Variants in CPPED1 observed in about 807,000 individuals in gnomAD.
The protein encoded by CPPED1 is calcineurin like phosphoesterase domain containing 1, also known as serine/threonine-protein phosphatase CPPED1.
CPPED1 carries 28 observed loss-of-function variants against 28.0 expected under a neutral mutation model. The ratio of observed to expected loss-of-function variants is 1.00; its 90% CI spans 0.74 to 1.37. The LOEUF is 1.37. CPPED1 is among the 40% of genes most tolerant of loss of function. CPPED1 has a pLI of 0.00. For synonymous variants in CPPED1, 198 were observed against 180.2 expected (o/e 1.10, Z -0.79); for missense variants, 504 against 416.5 (o/e 1.21, Z -1.83).
intron 2 of CPPED1, among the ~76,000 whole-genome samples, chr16:12,758,814 T>C (rs9927063): frequency 0.017 from 2,625 of 152,068 alleles, 86 homozygotes; most frequent in African/African-American, 0.06. Context: ...TGCAGCTGAA[T>C]CTAGTAATAA....
rs895934162 is a variant in CPPED1, at chr16:12,725,549, G to C, written c.290-20500C>G. On this transcript the variant is annotated intron_variant, in intron 2 of 3. Coordinates refer to ENST00000381774, the MANE Select transcript of CPPED1 (RefSeq NM_018340.3). ...TTACGGATGAGAAAACTGAGGCTTA[G>C]TGCAGTCATATGGGGAGAGGGGAGG... Among the ~76,000 whole-genome samples the C allele has an allele frequency of 8.5e-5, 13 of 152,108 alleles. No homozygotes were observed. In the East Asian group the frequency reaches 1.9e-3, roughly 23 times the overall value.
intron 1 of CPPED1, among the ~76,000 whole-genome samples, chr16:12,800,189 G>C (rs770653740): frequency 8.5e-5 from 13 of 152,174 alleles, no homozygotes; most frequent in Admixed American, 5.9e-4. Context: ...GCTCATGCCT[G>C]TAAATCCCAG....
At chr16:12,748,728 A>T (rs1033276951) in intron 2 of CPPED1, among the ~76,000 whole-genome samples, 3 of 151,950 alleles carry the variant, frequency 2.0e-5, no homozygotes, top group African/African-American at 7.3e-5. Context: ...TATTAAAAAT[A>T]AAAAATTAGC....
intron 2 of CPPED1, among the ~76,000 whole-genome samples, chr16:12,750,455 G>C (rs1004460552): frequency 6.6e-6 from 1 of 152,180 alleles, no homozygotes; most frequent in Non-Finnish European, 1.5e-5. Context: ...GGCCCCAAAA[G>C]AGGGAGAGAG....
At chr16:12,672,363 T>C (rs904911461) in intron 3 of CPPED1, among the ~76,000 whole-genome samples, 1 of 152,176 alleles carries the variant, frequency 6.6e-6, no homozygotes, top group Non-Finnish European at 1.5e-5. Context: ...TAATATATGG[T>C]TCAATGTGCA....
chr16:12,714,097 G>C (rs1004670259), intron 2 of CPPED1, among the ~76,000 whole-genome samples: 1 of 152,076 alleles, frequency 6.6e-6, no homozygotes, highest in African/African-American at 2.4e-5. Flanking sequence ...CTATTTTGTA[G>C]CCTATGTTAG....
intron 3 of CPPED1, among the ~76,000 whole-genome samples, chr16:12,687,454 C>T (rs1388893804): frequency 6.6e-6 from 1 of 152,094 alleles, no homozygotes; most frequent in African/African-American, 2.4e-5. Flanking sequence ...AGGGATTTGG[C>T]CATAGTGTCA....
intron 3 of CPPED1, among the ~76,000 whole-genome samples, chr16:12,683,928 C>A (rs894589718): frequency 2.0e-5 from 3 of 152,170 alleles, no homozygotes; most frequent in East Asian, 1.9e-4. Context: ...TTCTGTTTTG[C>A]CTTCCTCAGT....
intron 2 of CPPED1, among the ~76,000 whole-genome samples, chr16:12,743,507 C>G (rs1375614001): frequency 1.3e-5 from 2 of 152,124 alleles, no homozygotes; most frequent in African/African-American, 4.8e-5. Context: ...AAATTCTGTT[C>G]ATTGAAACAA....
chr16:12,694,074 C>T (rs1037986639), intron 3 of CPPED1, among the ~76,000 whole-genome samples: 1 of 151,960 alleles, frequency 6.6e-6, no homozygotes, highest in Non-Finnish European at 1.5e-5. Flanking sequence ...AGTGTGGTGG[C>T]GGGTACCTGT....
chr16:12,797,593 C>T (rs1459209871), intron 1 of CPPED1, among the ~76,000 whole-genome samples: 4 of 152,066 alleles, frequency 2.6e-5, no homozygotes, highest in Non-Finnish European at 5.9e-5. Flanking sequence ...CAGTGGCTCA[C>T]ACCTGTAATC....
upstream of CPPED1, chr16:12,803,887 C>CGGGGGGGGACT: frequency 1.2e-6 from 1 of 807,586 alleles, no homozygotes; most frequent in Non-Finnish European, 1.8e-6. Context: ...CCTTTGATCT[C>CGGGGGGGGACT]GGGGCGGGAC....
intron 2 of CPPED1, among the ~76,000 whole-genome samples, chr16:12,780,034 G>A (rs771273009): frequency 1.3e-5 from 2 of 152,168 alleles, no homozygotes; most frequent in South Asian, 2.1e-4. Context: ...GTCTGTCATC[G>A]TTGAATTTCC....
chr16:12,696,318 C>CT (rs1282378800), intron 3 of CPPED1, among the ~76,000 whole-genome samples: 2 of 152,112 alleles, frequency 1.3e-5, no homozygotes, highest in African/African-American at 4.8e-5. Context: ...GCCGGTCTAG[C>CT]TAATGGATAA....
chr16:12,770,941 A>G (rs533676203), intron 2 of CPPED1, among the ~76,000 whole-genome samples: 175 of 152,222 alleles, frequency 1.1e-3, no homozygotes, highest in African/African-American at 3.6e-3. Context: ...ATTGATGCAC[A>G]CTTTTGACCA....
chr16:12,662,844 T>C lies in CPPED1; in HGVS notation c.*2042A>G, dbSNP rs1209084427. On this transcript the variant is annotated 3_prime_UTR_variant, in exon 4 of 4. Coordinates refer to ENST00000381774, the MANE Select transcript of CPPED1 (RefSeq NM_018340.3). ...CTTTTGAATCAGTTCTTTTAAGTTT[T>C]TGGGGAAGGAGATTTGGTTTCATTT... is the stretch of plus-strand genomic sequence containing the variant. 1 of 152,232 alleles carries C rather than the reference T, an allele frequency of 6.6e-6. No homozygotes were observed. Among genetic ancestry groups the C allele is most frequent in the East Asian group, 1.9e-4 (1 of 5,198 alleles). The allele number at this position is 152,232 out of a possible 1,614,324, so 9.4% of individuals were successfully genotyped here.
intron 2 of CPPED1, among the ~76,000 whole-genome samples, chr16:12,772,493 T>C (rs2080475607): frequency 6.6e-6 from 1 of 152,220 alleles, no homozygotes; most frequent in African/African-American, 2.4e-5. Context: ...TTCTGCTTTA[T>C]CTATAGCAAA....
At position 12,688,282 on chromosome 16, in the gene CPPED1, T is replaced by G. The variant is rs559267054; in HGVS notation, c.715+16342A>C. On this transcript the variant is annotated intron_variant, in intron 3 of 3. Coordinates refer to ENST00000381774, the MANE Select transcript of CPPED1 (RefSeq NM_018340.3). ...ACATGTGACTTATGGGGAGAGAAATTTAAGTAATAAGAAACAACTCTAAAG... is the reference window on the plus strand; with the variant it reads ...ACATGTGACTTATGGGGAGAGAAATGTAAGTAATAAGAAACAACTCTAAAG... 9.9e-5 allele frequency among the ~76,000 whole-genome samples: 15 copies of G among 151,604 alleles called. No homozygotes were observed. The East Asian group carries it at 2.9e-3, about 29-fold the overall frequency.
At chr16:12,717,113 A>C (rs1031308880) in intron 2 of CPPED1, among the ~76,000 whole-genome samples, 1 of 152,108 alleles carries the variant, frequency 6.6e-6, no homozygotes. Context: ...GAGAGGTTTA[A>C]AAAAAAGACC....
Sources: allele counts gnomAD v4.1 joint callset (sites outside exome capture counted in the v4.1 genomes callset), GRCh38; gene constraint gnomAD v4.1.1; transcripts MANE v1.5; gene names NCBI Gene and HGNC (gene_info 2026-07-23, HGNC 2026-07-21).